SRGAP3: variants seen among roughly 807,000 people sequenced by gnomAD.
The protein encoded by SRGAP3 is SLIT-ROBO Rho GTPase activating protein 3, also known as SLIT-ROBO Rho GTPase-activating protein 3.
SRGAP3 carries 39 observed loss-of-function variants against 121.1 expected under a neutral mutation model. That is an observed-to-expected ratio of 0.32 (90% CI 0.25 to 0.42). SRGAP3 has a LOEUF of 0.42. Ranked by LOEUF, SRGAP3 falls within the 10% of genes least tolerant of loss-of-function variation. The probability of loss-of-function intolerance (pLI) is 1.00; values close to 1 mark genes in which losing one functional copy is unlikely to be tolerated. For missense variants in SRGAP3, 1,213 were observed against 1,470.6 expected, an observed-to-expected ratio of 0.82 and a Z score of 2.86; for synonymous variants, 601 against 570.0, an observed-to-expected ratio of 1.05 and a Z score of -0.77.
chr3:9,021,400 G>T (rs767025812), intron 14 of SRGAP3, among the ~76,000 whole-genome samples: 1 of 152,070 alleles, frequency 6.6e-6, no homozygotes, highest in Non-Finnish European at 1.5e-5. Flanking sequence ...GCTAATTCTT[G>T]CCTTTTCATG....
chr3:9,332,244 T>C (rs939283785), intron 1 of SRGAP3, among the ~76,000 whole-genome samples: 16 of 152,186 alleles, frequency 1.1e-4, no homozygotes, highest in African/African-American at 3.9e-4. Flanking sequence ...CTCAGCCTCC[T>C]GAATAGCTGG....
chr3:9,172,505 G>T (rs1043001523), intron 1 of SRGAP3, among the ~76,000 whole-genome samples: 1 of 152,084 alleles, frequency 6.6e-6, no homozygotes. Flanking sequence ...TTTTGTTGGG[G>T]GACACAATCC....
intron 3 of SRGAP3, among the ~76,000 whole-genome samples, chr3:9,087,918 A>G (rs918242359): frequency 6.6e-6 from 1 of 151,896 alleles, no homozygotes; most frequent in Non-Finnish European, 1.5e-5. Context: ...CTGCTCACCA[A>G]CTCCCCAGTA....
chr3:9,323,798 A>AACACACACACAC (rs139013302), intron 3 of SRGAP3, among the ~76,000 whole-genome samples: 1,990 of 148,858 alleles, frequency 0.013, 29 homozygotes, highest in African/African-American at 0.027. Flanking sequence ...CTGTGTATCT[A>AACACACACACAC]ACACACACAC....
At chr3:8,992,765 C>T (rs547141119) in intron 20 of SRGAP3, 141 bp downstream of exon 20, 17 of 1,492,760 alleles carry the variant, frequency 1.1e-5, no homozygotes, top group Admixed American at 5.1e-5. Flanking sequence ...CCAGCCAGCC[C>T]GCCCAGTGTG....
rs749854693 is a variant in SRGAP3 at position 8,990,653 on chromosome 3, C to A, written c.2745G>T (p.Ala915=). Reference sequence around the variant, plus strand: ...TGATGCTGCCAGCGCTCCCGAACGTCGCCATCCTCCGCTTCTCAGGGCTCT... The same window carrying A: ...TGATGCTGCCAGCGCTCCCGAACGTAGCCATCCTCCGCTTCTCAGGGCTCT... ...RIESPEKRRM[A]TFGSAGSINY... is the part of the protein sequence containing the mutation. Residue 915 remains alanine, a synonymous_variant, in exon 21 of 22, where the codon GCG becomes GCT. Transcript: ENST00000383836. 6.2e-7 allele frequency: 1 copy of A among 1,613,528 alleles called. No individual in the cohort carries two copies. Among genetic ancestry groups the A allele is most frequent in the Non-Finnish European group, 8.5e-7 (1 of 1,179,960 alleles).
intron 1 of SRGAP3, among the ~76,000 whole-genome samples, chr3:9,213,453 C>G: frequency 6.6e-6 from 1 of 152,134 alleles, no homozygotes; most frequent in East Asian, 1.9e-4. Flanking sequence ...GAAGACTGCC[C>G]TTTTCATACA....
intron 2 of SRGAP3, among the ~76,000 whole-genome samples, chr3:9,111,063 T>C (rs1948605592): frequency 6.6e-6 from 1 of 152,250 alleles, no homozygotes; most frequent in South Asian, 2.1e-4. Context: ...CAGCAGTTCA[T>C]GCATTCCATA....
intron 10 of SRGAP3, among the ~76,000 whole-genome samples, chr3:9,042,921 C>T (rs889444471): frequency 6.6e-6 from 1 of 152,136 alleles, no homozygotes. Flanking sequence ...CACATCCTTT[C>T]CCGCATTTGC....
intron 1 of SRGAP3, among the ~76,000 whole-genome samples, chr3:9,137,173 T>A (rs753668313): frequency 6.6e-6 from 1 of 152,172 alleles, no homozygotes; most frequent in Non-Finnish European, 1.5e-5. Flanking sequence ...CCCCAAATCT[T>A]ATACCACGTT....
At chr3:9,211,745 G>A (rs937966966) in intron 1 of SRGAP3, among the ~76,000 whole-genome samples, 7 of 145,644 alleles carry the variant, frequency 4.8e-5, no homozygotes, top group Non-Finnish European at 1.0e-4. Context: ...ATGACTCACT[G>A]CAGCCTCACA....
chr3:9,293,683 C>G (rs547287431), intron 3 of SRGAP3, among the ~76,000 whole-genome samples: 1 of 152,044 alleles, frequency 6.6e-6, no homozygotes, highest in Admixed American at 6.6e-5. Flanking sequence ...AGGACATGAA[C>G]AGACACTTCT....
At chr3:9,065,421 C>T (rs775764325) in intron 4 of SRGAP3, 2 of 152,174 alleles carry the variant, frequency 1.3e-5, no homozygotes, top group Non-Finnish European at 2.9e-5. Context: ...ACTTTACATC[C>T]ATGTATCCAG....
intron 3 of SRGAP3, among the ~76,000 whole-genome samples, chr3:9,290,599 G>C (rs1954854448): frequency 6.6e-6 from 1 of 152,160 alleles, no homozygotes; most frequent in South Asian, 2.1e-4. Context: ...GTTTCTCAAA[G>C]TGTGGTCCAA....
intron 3 of SRGAP3, among the ~76,000 whole-genome samples, chr3:9,276,130 G>GTCAATGTCAAAACACAGATGC (rs1349301559): frequency 6.6e-6 from 1 of 152,170 alleles, no homozygotes; most frequent in African/African-American, 2.4e-5. Context: ...TCAAGACTTA[G>GTCAATGTCAAAACACAGATGC]TCAATGTCAA....
At chr3:9,222,127 C>T (rs572484056) in intron 1 of SRGAP3, among the ~76,000 whole-genome samples, 99 of 152,286 alleles carry the variant, frequency 6.5e-4, no homozygotes, top group Non-Finnish European at 1.2e-3. Flanking sequence ...AGGGAGGAGG[C>T]ATCACAGACA....
At chr3:9,003,621 G>A (rs1942894746) in intron 18 of SRGAP3, among the ~76,000 whole-genome samples, 1 of 152,168 alleles carries the variant, frequency 6.6e-6, no homozygotes, top group East Asian at 1.9e-4. Flanking sequence ...TTAATGTAAT[G>A]CATCTTATCA....
At chr3:9,265,172 T>A (rs1954331355) in intron 3 of SRGAP3, among the ~76,000 whole-genome samples, 1 of 152,218 alleles carries the variant, frequency 6.6e-6, no homozygotes, top group Non-Finnish European at 1.5e-5. Context: ...GCTAGCCATA[T>A]GCAGAAAACG....
chr3:9,256,042 C>T (rs537251130), intron 3 of SRGAP3, among the ~76,000 whole-genome samples: 5 of 152,236 alleles, frequency 3.3e-5, no homozygotes, highest in African/African-American at 1.2e-4. Context: ...AGGTACCAGG[C>T]TCTACCGAGA....
Sources: gnomAD v4.1 joint callset for allele counts (sites outside exome capture counted in the v4.1 genomes callset) on GRCh38, gnomAD v4.1.1 for gene constraint, MANE v1.5 for transcripts, NCBI Gene and HGNC (gene_info 2026-07-23, HGNC 2026-07-21) for gene names.